FARS2: variants seen among roughly 807,000 people sequenced by gnomAD.
The protein encoded by FARS2 is phenylalanine--tRNA ligase, mitochondrial.
FARS2 carries 40 observed loss-of-function variants against 46.4 expected under a neutral mutation model. The ratio of observed to expected loss-of-function variants is 0.86; its 90% CI spans 0.67 to 1.12. FARS2 has a LOEUF of 1.12. FARS2 is among the 50% of genes most tolerant of loss of function. FARS2 has a pLI of 0.00. For missense variants in FARS2, 513 were observed against 567.9 expected, an observed-to-expected ratio of 0.90 and a Z score of 0.98; for synonymous variants, 234 against 214.9, an observed-to-expected ratio of 1.09 and a Z score of -0.78.
intron 4 of FARS2, among the ~76,000 whole-genome samples, chr6:5,490,145 A>G (rs1325976713): frequency 6.6e-6 from 1 of 152,108 alleles, no homozygotes. Flanking sequence ...ATGGACTTGG[A>G]TAATACTTAG....
At chr6:5,584,144 C>CA (rs1170799323) in intron 5 of FARS2, among the ~76,000 whole-genome samples, 1 of 150,610 alleles carries the variant, frequency 6.6e-6, no homozygotes, top group Non-Finnish European at 1.5e-5. Context: ...CACACACACT[C>CA]CTTGAGTGTT....
rs116829325 is a variant in FARS2, at chr6:5,578,537, C to T, written c.1065+33197C>T. ...AAAAAAGAAAACAGTGGGCCAGGCA[C>T]GGTGGCTCACCCCAGTAATCCCAGC... is the stretch of plus-strand genomic sequence containing the variant. On this transcript the variant is annotated intron_variant, in intron 5 of 6. Transcript: ENST00000274680. Among the ~76,000 whole-genome samples, 903 of 152,016 alleles carry T rather than the reference C, an allele frequency of 5.9e-3. 8 individuals carry two copies. Among genetic ancestry groups the T allele is most frequent in the African/African-American group, 0.021 (864 of 41,460 alleles).
chr6:5,432,339 TA>T (rs1327604747), intron 4 of FARS2, among the ~76,000 whole-genome samples: 1 of 33,026 alleles, frequency 3.0e-5, no homozygotes, highest in Non-Finnish European at 6.6e-5. Context: ...TATATATATA[TA>T]TATATATATA....
chr6:5,709,878 CT>C (rs1215288520), intron 6 of FARS2, among the ~76,000 whole-genome samples: 11 of 152,172 alleles, frequency 7.2e-5, no homozygotes, highest in Non-Finnish European at 1.2e-4. Flanking sequence ...TTTTCAAGCT[CT>C]TGGTGAGTGC....
At chr6:5,743,860 A>G (rs148797143) in intron 6 of FARS2, among the ~76,000 whole-genome samples, 1 of 152,384 alleles carries the variant, frequency 6.6e-6, no homozygotes, top group African/African-American at 2.4e-5. Flanking sequence ...GTCTTGTTAT[A>G]TACTCTATTA....
At chr6:5,753,838 A>G (rs1031340297) in intron 6 of FARS2, among the ~76,000 whole-genome samples, 9 of 152,200 alleles carry the variant, frequency 5.9e-5, no homozygotes, top group African/African-American at 2.2e-4. Context: ...GCAGTCCAGC[A>G]CCATGGTGGT....
At chr6:5,520,689 G>A (rs1769080096) in intron 4 of FARS2, among the ~76,000 whole-genome samples, 1 of 152,080 alleles carries the variant, frequency 6.6e-6, no homozygotes, top group Non-Finnish European at 1.5e-5. Context: ...CCAATCTGAT[G>A]AGTGAAAAAT....
intron 4 of FARS2, among the ~76,000 whole-genome samples, chr6:5,507,462 A>G (rs1056826346): frequency 1.2e-4 from 18 of 152,134 alleles, no homozygotes; most frequent in African/African-American, 4.3e-4. Context: ...GTTTCTTTTC[A>G]TCTCCTTTCA....
At position 5,375,720 on chromosome 6, in the gene FARS2, A is replaced by G. The variant is rs148241243; in HGVS notation, c.612+6538A>G. Among the ~76,000 whole-genome samples, 160 of 152,244 alleles carry G rather than the reference A, an allele frequency of 1.1e-3. 1 individual carries two copies. The highest frequency in any genetic ancestry group is 3.6e-3 in the African/African-American group (149 of 41,590). On this transcript the variant is annotated intron_variant, in intron 2 of 6. Transcript: ENST00000274680. ...AAATATAAGTGATATTTCATATCAC[A>G]TAAGTGGGAGGTGATGGATTCTACA...
At chr6:5,481,777 T>G (rs1766474983) in intron 4 of FARS2, among the ~76,000 whole-genome samples, 1 of 147,322 alleles carries the variant, frequency 6.8e-6, no homozygotes, top group Non-Finnish European at 1.5e-5. Context: ...ACAGGGATAC[T>G]TAGGCGGATT....
At chr6:5,446,036 AAAAG>A (rs1764167064) in intron 4 of FARS2, among the ~76,000 whole-genome samples, 1 of 152,044 alleles carries the variant, frequency 6.6e-6, no homozygotes, top group Non-Finnish European at 1.5e-5. Context: ...CGTCTCTACT[AAAAG>A]AAATACAAAA....
intron 2 of FARS2, chr6:5,371,083 C>T: frequency 2.2e-6 from 1 of 457,034 alleles, no homozygotes; most frequent in African/African-American, 2.1e-5. Context: ...GAATTCATTG[C>T]CTGTTTTTCT....
intron 1 of FARS2, among the ~76,000 whole-genome samples, chr6:5,355,030 A>C (rs1757826949): frequency 6.6e-6 from 1 of 152,208 alleles, no homozygotes; most frequent in South Asian, 2.1e-4. Context: ...GTTATTTAAA[A>C]TAAGTTTAAA....
chr6:5,348,616 A>C (rs1335852219), intron 1 of FARS2, among the ~76,000 whole-genome samples: 1 of 151,066 alleles, frequency 6.6e-6, no homozygotes, highest in African/African-American at 2.4e-5. Flanking sequence ...ACAAATAAAC[A>C]CAAATGCTCT....
chr6:5,551,130 A>T (rs1771347773), intron 5 of FARS2, among the ~76,000 whole-genome samples: 1 of 152,212 alleles, frequency 6.6e-6, no homozygotes, highest in African/African-American at 2.4e-5. Context: ...AGCAGGCTGC[A>T]TTTTCACTGT....
intron 4 of FARS2, among the ~76,000 whole-genome samples, chr6:5,529,311 C>CT (rs538727001): frequency 2.4e-4 from 36 of 152,038 alleles, no homozygotes; most frequent in South Asian, 6.2e-4. Context: ...GTCACAGTAA[C>CT]TTTTTTTTCT....
At chr6:5,754,548 C>G (rs1333680763) in intron 6 of FARS2, among the ~76,000 whole-genome samples, 1 of 152,250 alleles carries the variant, frequency 6.6e-6, no homozygotes, top group Non-Finnish European at 1.5e-5. Flanking sequence ...CATCCACTTC[C>G]TTTATGAGTT....
intron 5 of FARS2, among the ~76,000 whole-genome samples, chr6:5,578,823 A>C (rs56090798): frequency 2.9e-4 from 13 of 44,948 alleles, no homozygotes; most frequent in South Asian, 2.3e-3. Flanking sequence ...AAAAAAAAAA[A>C]AAAAAAAAAA....
At chr6:5,754,131 G>A (rs916978544) in intron 6 of FARS2, among the ~76,000 whole-genome samples, 1 of 152,220 alleles carries the variant, frequency 6.6e-6, no homozygotes, top group African/African-American at 2.4e-5. Context: ...CAGGCACTGT[G>A]TTAGGATCTC....
Sources: allele counts gnomAD v4.1 joint callset (sites outside exome capture counted in the v4.1 genomes callset), GRCh38; gene constraint gnomAD v4.1.1; transcripts MANE v1.5; gene names NCBI Gene and HGNC (gene_info 2026-07-23, HGNC 2026-07-21).